SDK1: variants seen among roughly 807,000 people sequenced by gnomAD.
SDK1 encodes the protein protein sidekick-1.
Under a neutral mutation model 245.5 loss-of-function variants are expected in SDK1, and 157 were observed. That is an observed-to-expected ratio of 0.64 (90% confidence interval 0.56 to 0.73). SDK1 has a LOEUF of 0.73. Among genes scored for constraint, SDK1 ranks in the 30% least tolerant of loss-of-function variants. SDK1 has a pLI of 0.00. For synonymous variants in SDK1, 1,647 were observed against 1,278.5 expected, an observed-to-expected ratio of 1.29 and a Z score of -6.15; for missense variants, 3,583 against 3,002.3, an observed-to-expected ratio of 1.19 and a Z score of -4.52.
intron 5 of SDK1, among the ~76,000 whole-genome samples, chr7:3,849,414 A>T (rs1015787725): frequency 6.6e-6 from 1 of 152,190 alleles, no homozygotes; most frequent in African/African-American, 2.4e-5. Context: ...TTTAGAATGG[A>T]ATTTGTATAG....
intron 5 of SDK1, among the ~76,000 whole-genome samples, chr7:3,913,544 C>T (rs764764145): frequency 1.3e-5 from 2 of 152,216 alleles, no homozygotes; most frequent in East Asian, 1.9e-4. Flanking sequence ...CCACCCGCCT[C>T]GGCCTCCCAA....
intron 5 of SDK1, among the ~76,000 whole-genome samples, chr7:3,840,907 GAGA>G (rs1780140863): frequency 6.6e-6 from 1 of 152,170 alleles, no homozygotes. Context: ...ACTAAAATTT[GAGA>G]AGGACCACCC....
chr7:3,930,152 G>C (rs975451493), intron 5 of SDK1, among the ~76,000 whole-genome samples: 2 of 152,146 alleles, frequency 1.3e-5, no homozygotes, highest in African/African-American at 4.8e-5. Flanking sequence ...GGTCTGGAGT[G>C]ACACCCACTG....
intron 4 of SDK1, among the ~76,000 whole-genome samples, chr7:3,757,627 G>A (rs939278893): frequency 6.6e-6 from 1 of 152,162 alleles, no homozygotes; most frequent in Non-Finnish European, 1.5e-5. Flanking sequence ...GCAGGTGTGG[G>A]GGAGGGTGCA....
chr7:3,311,879 G>A (rs1489802101), intron 1 of SDK1, among the ~76,000 whole-genome samples: 1 of 152,198 alleles, frequency 6.6e-6, no homozygotes, highest in East Asian at 1.9e-4. Flanking sequence ...GGCCTGTGGT[G>A]GTTTCTGATC....
At chr7:3,309,205 T>C (rs1257258444) in intron 1 of SDK1, among the ~76,000 whole-genome samples, 4 of 152,102 alleles carry the variant, frequency 2.6e-5, no homozygotes, top group African/African-American at 9.7e-5. Flanking sequence ...TTTTGTCTTC[T>C]CTCTAGGTGT....
At chr7:4,179,543 G>A (rs77090683) in intron 35 of SDK1, among the ~76,000 whole-genome samples, 2,115 of 152,218 alleles carry the variant, frequency 0.014, 28 homozygotes, top group Middle Eastern at 0.024. Flanking sequence ...ATGGTCAAGC[G>A]GTATTTGCAT....
intron 4 of SDK1, among the ~76,000 whole-genome samples, chr7:3,686,685 A>T (rs878876550): frequency 6.6e-5 from 10 of 152,174 alleles, no homozygotes; most frequent in Non-Finnish European, 1.2e-4. Context: ...AGAAGCTACG[A>T]CTCTGTTGCT....
chr7:4,079,986 C>T (rs962125994), intron 22 of SDK1, among the ~76,000 whole-genome samples: 1 of 152,078 alleles, frequency 6.6e-6, no homozygotes. Context: ...TTTTTAGAGA[C>T]GATTGTTCTA....
At chr7:3,915,185 C>T (rs1779326965) in intron 5 of SDK1, among the ~76,000 whole-genome samples, 1 of 152,184 alleles carries the variant, frequency 6.6e-6, no homozygotes, top group African/African-American at 2.4e-5. Context: ...GTAGGATGAG[C>T]CAGAGAAAGC....
At chr7:4,089,239 C>T (rs1031616198) in intron 22 of SDK1, among the ~76,000 whole-genome samples, 3 of 152,204 alleles carry the variant, frequency 2.0e-5, no homozygotes, top group South Asian at 2.1e-4. Context: ...GTGAGACCCT[C>T]ATGGGCATCT....
intron 1 of SDK1, among the ~76,000 whole-genome samples, chr7:3,497,702 T>C (rs58968045): frequency 0.074 from 11,266 of 152,260 alleles, 541 homozygotes; most frequent in East Asian, 0.22. Context: ...AATGAAAGAA[T>C]AAAATCACAT....
chr7:3,777,230 G>C (rs756602905), intron 4 of SDK1, among the ~76,000 whole-genome samples: 4 of 152,208 alleles, frequency 2.6e-5, no homozygotes, highest in African/African-American at 7.2e-5. Flanking sequence ...TGCAGAACGC[G>C]AGTTTGATCT....
chr7:4,172,838 T>G (rs529726136), intron 32 of SDK1, among the ~76,000 whole-genome samples: 7 of 152,334 alleles, frequency 4.6e-5, no homozygotes, highest in African/African-American at 1.7e-4. Context: ...GTGTTCCCCC[T>G]GTGTGTCCTG....
intron 4 of SDK1, among the ~76,000 whole-genome samples, chr7:3,666,974 T>C (rs988402309): frequency 6.6e-6 from 1 of 152,166 alleles, no homozygotes; most frequent in Non-Finnish European, 1.5e-5. Context: ...TACTTTTTTT[T>C]TAAGGACTTG....
rs751167461 is a variant in SDK1 at position 4,077,133 on chromosome 7, C to G, written c.3146C>G (p.Thr1049Ser). ...TTYTIDVAAV[T>S]AVGTGLVTSS... is the part of the protein sequence containing the mutation. Reference sequence around the variant, plus strand: ...TACACCATCGACGTGGCCGCTGTGACTGCCGTGGGCACTGGCCTGGTGACT... The same window carrying G: ...TACACCATCGACGTGGCCGCTGTGAGTGCCGTGGGCACTGGCCTGGTGACT... Residue 1049 changes from threonine (T) to serine (S), a missense_variant, in exon 21 of 45, where the codon ACT becomes AGT. Transcript: ENST00000404826. 9.3e-6 allele frequency: 15 copies of G among 1,614,270 alleles called. No homozygotes were observed. In the East Asian group the frequency reaches 3.1e-4, roughly 34 times the overall value.
At chr7:3,525,843 A>C (rs542705151) in intron 1 of SDK1, among the ~76,000 whole-genome samples, 1 of 152,264 alleles carries the variant, frequency 6.6e-6, no homozygotes, top group African/African-American at 2.4e-5. Context: ...AATTTGTCTT[A>C]TTTAATTTTG....
At chr7:4,243,936 C>G (rs1029006844) in intron 43 of SDK1, among the ~76,000 whole-genome samples, 2 of 152,206 alleles carry the variant, frequency 1.3e-5, no homozygotes, top group African/African-American at 4.8e-5. Flanking sequence ...CTTCCAATTT[C>G]TTTTTGGGGA....
At chr7:3,569,592 C>A (rs1003936322) in intron 1 of SDK1, among the ~76,000 whole-genome samples, 1 of 152,176 alleles carries the variant, frequency 6.6e-6, no homozygotes, top group African/African-American at 2.4e-5. Flanking sequence ...TTGGTGTCTG[C>A]TTTGCATTCT....
Sources: gnomAD v4.1 joint callset for allele counts (sites outside exome capture counted in the v4.1 genomes callset) on GRCh38, gnomAD v4.1.1 for gene constraint, MANE v1.5 for transcripts, NCBI Gene and HGNC (gene_info 2026-07-23, HGNC 2026-07-21) for gene names.